LRRC4C: variants seen among roughly 807,000 people sequenced by gnomAD.
LRRC4C encodes leucine rich repeat containing 4C, also known as leucine-rich repeat-containing protein 4C.
LRRC4C carries 5 observed loss-of-function variants against 33.6 expected under a neutral mutation model. The ratio of observed to expected loss-of-function variants is 0.15; its 90% CI spans 0.08 to 0.31. The LOEUF is 0.31. Among genes scored for constraint, LRRC4C ranks in the 10% least tolerant of loss-of-function variants. The pLI, the probability that LRRC4C is intolerant of heterozygous loss-of-function variation, is 1.00. For missense variants in LRRC4C, 560 were observed against 796.7 expected (o/e 0.70, Z 3.58); for synonymous variants, 329 against 302.0 (o/e 1.09, Z -0.93).
intron 2 of LRRC4C, among the ~76,000 whole-genome samples, chr11:40,859,465 T>A (rs1953966190): frequency 6.6e-6 from 1 of 152,056 alleles, no homozygotes; most frequent in Non-Finnish European, 1.5e-5. Context: ...AAGACTGTAC[T>A]CACAAACACA....
intron 3 of LRRC4C, among the ~76,000 whole-genome samples, chr11:40,410,201 A>C (rs925838620): frequency 6.6e-6 from 1 of 152,084 alleles, no homozygotes; most frequent in Non-Finnish European, 1.5e-5. Context: ...TGTAAGGTAC[A>C]TATGTATTTC....
intron 2 of LRRC4C, among the ~76,000 whole-genome samples, chr11:40,895,263 G>A (rs985116045): frequency 1.1e-4 from 16 of 151,746 alleles, no homozygotes; most frequent in Non-Finnish European, 2.1e-4. Flanking sequence ...GATTTCTAAA[G>A]GATTCCAGAA....
At chr11:40,992,112 G>A (rs1029035664) in intron 1 of LRRC4C, among the ~76,000 whole-genome samples, 2 of 152,058 alleles carry the variant, frequency 1.3e-5, no homozygotes, top group Admixed American at 6.6e-5. Context: ...AACCGAAAAG[G>A]CAATTAAAAT....
intron 5 of LRRC4C, among the ~76,000 whole-genome samples, chr11:40,211,530 G>A (rs1269155941): frequency 6.6e-6 from 1 of 152,154 alleles, no homozygotes; most frequent in Non-Finnish European, 1.5e-5. Context: ...TCAAAGTACA[G>A]AAATTCAAAA....
At chr11:41,070,254 T>C (rs1394785744) in intron 1 of LRRC4C, among the ~76,000 whole-genome samples, 9 of 152,082 alleles carry the variant, frequency 5.9e-5, no homozygotes, top group Non-Finnish European at 8.8e-5. Flanking sequence ...TTACACCTTA[T>C]ACAAAATTAT....
rs560799280 is a variant in LRRC4C, at chr11:40,682,127, G to A, written c.-406-33849C>T. Among the ~76,000 whole-genome samples the A allele has an allele frequency of 3.5e-4, 53 of 151,830 alleles. No individual in the cohort carries two copies. In the South Asian group the frequency reaches 4.6e-3, roughly 13 times the overall value. ...AATTTAAAAAATACAAAAATTAGCC[G>A]GGCATGGTGGCACATGTCTTTAGTC... On this transcript the variant is annotated intron_variant, in intron 2 of 6. Transcript: ENST00000528697.
intron 6 of LRRC4C, among the ~76,000 whole-genome samples, chr11:40,125,353 T>C (rs1439150657): frequency 2.0e-5 from 3 of 151,102 alleles, no homozygotes; most frequent in East Asian, 3.8e-4. Flanking sequence ...AGGACAAAGC[T>C]GATAAGAAAG....
chr11:40,693,509 T>TA (rs1382701785), intron 2 of LRRC4C, among the ~76,000 whole-genome samples: 1 of 152,078 alleles, frequency 6.6e-6, no homozygotes, highest in Non-Finnish European at 1.5e-5. Flanking sequence ...AGGGGGTAGG[T>TA]AATCTGCAGA....
intron 1 of LRRC4C, among the ~76,000 whole-genome samples, chr11:41,267,984 A>C (rs1437352344): frequency 6.6e-6 from 1 of 152,078 alleles, no homozygotes; most frequent in Non-Finnish European, 1.5e-5. Flanking sequence ...TTCTAATGCT[A>C]CTTCAGAGGT....
chr11:40,960,428 C>T, intron 1 of LRRC4C, among the ~76,000 whole-genome samples: 1 of 151,594 alleles, frequency 6.6e-6, no homozygotes, highest in Non-Finnish European at 1.5e-5. Context: ...GACATTGAAC[C>T]AGACAAGGTC....
chr11:40,569,668 T>C (rs1007154361), intron 3 of LRRC4C, among the ~76,000 whole-genome samples: 1 of 152,150 alleles, frequency 6.6e-6, no homozygotes, highest in African/African-American at 2.4e-5. Context: ...GATTAAATGA[T>C]ATCATACATA....
intron 1 of LRRC4C, among the ~76,000 whole-genome samples, chr11:41,255,432 T>A (rs1398789959): frequency 1.3e-5 from 2 of 152,026 alleles, no homozygotes; most frequent in Non-Finnish European, 2.9e-5. Context: ...AACCAACTGA[T>A]CTTGGTTTAT....
In LRRC4C at chr11:40,261,118, TG is replaced by T. The variant is rs137895124; in HGVS notation, c.-175-19521del. Among the ~76,000 whole-genome samples, 671 of 152,144 alleles carry T rather than the reference TG, an allele frequency of 4.4e-3. 7 individuals carry two copies. The highest frequency in any genetic ancestry group is 0.016 in the African/African-American group (644 of 41,512). The stretch of plus-strand genomic sequence containing the variant: ...CTGGTATCAAACTCCTGACCTCAAG[TG>T]ATCTTCCCACAGCACTGGGATTATA... On this transcript the variant is annotated intron_variant, in intron 4 of 6. Transcript: ENST00000528697.
At chr11:40,652,333 A>C (rs550331472) in intron 2 of LRRC4C, among the ~76,000 whole-genome samples, 1 of 152,356 alleles carries the variant, frequency 6.6e-6, no homozygotes, top group East Asian at 1.9e-4. Context: ...AAATAGATTC[A>C]AACAGTGTTA....
At chr11:40,751,855 T>G (rs188103214) in intron 2 of LRRC4C, among the ~76,000 whole-genome samples, 1 of 152,236 alleles carries the variant, frequency 6.6e-6, no homozygotes, top group Non-Finnish European at 1.5e-5. Context: ...TTTCAAAATA[T>G]ATTACTAGGC....
intron 1 of LRRC4C, among the ~76,000 whole-genome samples, chr11:41,109,870 A>C (rs150239464): frequency 6.6e-6 from 1 of 151,952 alleles, no homozygotes; most frequent in Non-Finnish European, 1.5e-5. Flanking sequence ...ACTTTCCTCA[A>C]CTTTAAGGTG....
chr11:41,202,655 T>C (rs1946444791), intron 1 of LRRC4C, among the ~76,000 whole-genome samples: 1 of 152,168 alleles, frequency 6.6e-6, no homozygotes, highest in Non-Finnish European at 1.5e-5. Context: ...TTTTTGGCTC[T>C]AATGCTTTTG....
At chr11:41,365,304 C>G (rs1332835870) in intron 1 of LRRC4C, among the ~76,000 whole-genome samples, 1 of 151,718 alleles carries the variant, frequency 6.6e-6, no homozygotes, top group Non-Finnish European at 1.5e-5. Context: ...TCCCAACACC[C>G]CCAGATGGGA....
intron 3 of LRRC4C, among the ~76,000 whole-genome samples, chr11:40,406,534 A>C (rs2137593748): frequency 6.6e-6 from 1 of 152,304 alleles, no homozygotes; most frequent in Admixed American, 6.5e-5. Context: ...TGAATAAATT[A>C]ATGCAACAAC....
Sources: gnomAD v4.1 joint callset for allele counts (sites outside exome capture counted in the v4.1 genomes callset) on GRCh38, gnomAD v4.1.1 for gene constraint, MANE v1.5 for transcripts, NCBI Gene and HGNC (gene_info 2026-07-23, HGNC 2026-07-21) for gene names.